Variants in ZFYVE19 observed in about 807,000 individuals in gnomAD.
ZFYVE19 encodes abscission/NoCut checkpoint regulator.
A neutral mutation model predicts 62.8 loss-of-function variants in ZFYVE19; 49 were observed. The ratio of observed to expected loss-of-function variants is 0.78; its 90% CI spans 0.62 to 0.99. The LOEUF is 0.99. ZFYVE19 is among the 50% of genes least tolerant of loss of function. The pLI, the probability that ZFYVE19 is intolerant of heterozygous loss-of-function variation, is 0.00. For missense variants in ZFYVE19, 630 were observed against 601.9 expected (o/e 1.05, Z -0.49); for synonymous variants, 242 against 234.3 (o/e 1.03, Z -0.30).
Position 40,808,278 on chromosome 15 carries a change from A to T in ZFYVE19, c.279+410A>T, listed in dbSNP as rs138231282. The T allele has an allele frequency of 2.1e-5, 34 of 1,597,322 alleles. No homozygotes were observed. In the African/African-American group the frequency reaches 3.9e-4, roughly 18 times the overall value. ...AGCCTGCCCTTCTCCAGGTCGCTGG[A>T]GTTAGATTACCACACTTCCTCCTGC... On this transcript the variant is annotated intron_variant, in intron 1 of 10. Transcript: ENST00000355341.
Position 40,807,754 on chromosome 15 carries a change from G to C in ZFYVE19, c.165G>C (p.Arg55Ser). 1 of 1,590,742 alleles carries C rather than the reference G, an allele frequency of 6.3e-7. No individual in the cohort carries two copies. Among genetic ancestry groups the C allele is most frequent in the Non-Finnish European group, 8.5e-7 (1 of 1,172,030 alleles). The change falls in exon 1 of 11, where the codon AGG (arginine) becomes AGC (serine). Residue 55 changes from arginine (R) to serine (S), a missense_variant. Arg to Ser is a moderately radical substitution (Grantham distance 110, BLOSUM62 -1). Coordinates refer to ENST00000355341, the MANE Select transcript of ZFYVE19 (RefSeq NM_001077268.2). ...REGRSWGEGP[R>S]GPGLGRRDLS... ...GGCGGAGCTGGGGTGAGGGTCCAAG[G>C]GGCCCAGGACTTGGCCGGCGTGATC...
At chr15:40,810,902 C>A in intron 6 of ZFYVE19, 145 bp downstream of exon 6, 1 of 1,066,466 alleles carries the variant, frequency 9.4e-7, no homozygotes, top group Non-Finnish European at 1.3e-6. Flanking sequence ...GTGCTTACTC[C>A]AAAGGGAGCC....
At chr15:40,807,954 C>T in intron 1 of ZFYVE19, 86 bp downstream of exon 1, 3 of 1,475,616 alleles carry the variant, frequency 2.0e-6, no homozygotes, top group Non-Finnish European at 2.8e-6. Context: ...CTTGGTCTTA[C>T]GGCTCCTTTC....
rs772159816 is a variant in ZFYVE19 at position 40,810,211 on chromosome 15, C to A, written c.712C>A (p.Gln238Lys). 3.1e-6 allele frequency: 5 copies of A among 1,614,184 alleles called. No homozygotes were observed. Among genetic ancestry groups the A allele is most frequent in the East Asian group, 4.5e-5 (2 of 44,894 alleles). The stretch of plus-strand genomic sequence containing the variant: ...CAGAGTTCTACCTTCTCAAACCCCC[C>A]AGCCGGTGAGTGTTATGGCTTAGGA... ...QGRVLPSQTP[Q>K]PAHHTPDTRT... Residue 238 changes from glutamine to lysine, a missense_variant, in exon 5 of 11, where the codon CAG becomes AAG. Gln to Lys is a moderately conservative substitution (Grantham distance 53, BLOSUM62 1). Coordinates refer to ENST00000355341, the MANE Select transcript of ZFYVE19 (RefSeq NM_001077268.2).
At chr15:40,812,928 C>T in intron 7 of ZFYVE19, 26 bp downstream of exon 7, 2 of 1,604,658 alleles carry the variant, frequency 1.2e-6, no homozygotes, top group Non-Finnish European at 1.7e-6. Flanking sequence ...CAGCTGCTCA[C>T]TGGTATCCCT....
In ZFYVE19 at chr15:40,814,342, C is replaced by G; in HGVS notation, c.*116C>G. 8.6e-7 allele frequency: 1 copy of G among 1,166,288 alleles called. No homozygotes were observed. The highest frequency in any genetic ancestry group is 1.3e-5 in the South Asian group (1 of 74,162). 72.2% of individuals were successfully genotyped at this position (1,166,288 alleles called of 1,614,324 possible). A position where few individuals can be genotyped will look rare whatever the true frequency, so the allele number is the denominator to read the frequency against. ...CTGGCTCTACTGATGATGGATAGGC[C>G]CCTTCCTGAGCCTTGGTGTCCCTGG... On this transcript the variant is annotated 3_prime_UTR_variant, in exon 11 of 11. Transcript: ENST00000355341.
In ZFYVE19 at chr15:40,814,627, C is replaced by A; in HGVS notation, c.*401C>A. ...TGGGCCCTGTGAGAGGTGGCAGGAA[C>A]AGAGCAGGCTGTAAGCACAGTTGTG... On this transcript the variant is annotated 3_prime_UTR_variant, in exon 11 of 11. Transcript: ENST00000355341. 1 of 263,194 alleles carries A rather than the reference C, an allele frequency of 3.8e-6. No homozygotes were observed. The highest frequency in any genetic ancestry group is 7.5e-6 in the Non-Finnish European group (1 of 133,078). The allele number at this position is 263,194 out of a possible 1,614,324, so 16.3% of individuals were successfully genotyped here.
rs1270287433 is a variant in ZFYVE19, at chr15:40,810,089, C to T, written c.590C>T (p.Ala197Val). 1.9e-6 allele frequency: 3 copies of T among 1,614,200 alleles called. No individual in the cohort carries two copies. The highest frequency in any genetic ancestry group is 2.5e-6 in the Non-Finnish European group (3 of 1,180,046). ...ATTGCAGAGTTAGTCCCCTCACAGGCAGAGATAGAGGCACGGCTGGCTGCC... is the reference window on the plus strand; with the variant it reads ...ATTGCAGAGTTAGTCCCCTCACAGGTAGAGATAGAGGCACGGCTGGCTGCC... ...ENKPKLVPSQAEIEARLAALK... is the reference protein window; with the variant it reads ...ENKPKLVPSQVEIEARLAALK... The change falls in exon 5 of 11, where the codon GCA becomes GTA. Residue 197 changes from alanine to valine, a missense_variant. Ala to Val is a moderately conservative substitution (Grantham distance 64). Coordinates refer to ENST00000355341, the MANE Select transcript of ZFYVE19 (RefSeq NM_001077268.2).
rs764248761 is a variant in ZFYVE19, at chr15:40,807,490, A to G, written c.-100A>G. The G allele has an allele frequency of 1.2e-5, 19 of 1,612,446 alleles. No individual in the cohort carries two copies. The African/African-American group carries it at 1.9e-4, about 16-fold the overall frequency. On this transcript the variant is annotated 5_prime_UTR_variant, in exon 1 of 11. Coordinates refer to ENST00000355341, the MANE Select transcript of ZFYVE19 (RefSeq NM_001077268.2). ...TCGTACTACAACTCCCAAGAGTCTA[A>G]GCGCGCGTGAGGACTGCAGGCTCCG... is the stretch of plus-strand genomic sequence containing the variant.
intron 1 of ZFYVE19, chr15:40,808,080 G>C: frequency 2.2e-6 from 2 of 907,012 alleles, no homozygotes; most frequent in South Asian, 3.4e-5. Flanking sequence ...CTTTAGGTGA[G>C]AGTTCCCTAT....
intron 1 of ZFYVE19, chr15:40,808,129 C>CTATTTAATTTTTTTTTTTTT: frequency 6.8e-7 from 1 of 1,468,694 alleles, no homozygotes; most frequent in Non-Finnish European, 9.3e-7. Flanking sequence ...TGCAAAGCTA[C>CTATTTAATTTTTTTTTTTTT]TCTTTTCTGT....
rs778312898 is a variant in ZFYVE19, at chr15:40,809,122, G to A, written c.283G>A (p.Gly95Ser). Residue 95 changes from glycine (G) to serine (S), a missense_variant, in exon 2 of 11, where the codon GGC becomes AGC. Gly to Ser is a moderately conservative substitution (Grantham distance 56, BLOSUM62 0). Coordinates refer to ENST00000355341, the MANE Select transcript of ZFYVE19 (RefSeq NM_001077268.2). ...TCCCGCTTCATGTTTCTTGTAGTAC[G>A]GCTGTAAGAATTGTGGCAGGGCCTT... Reference protein sequence around the residue: ...VKFTLFKKEYGCKNCGRAFCS... With the variant: ...VKFTLFKKEYSCKNCGRAFCS... The A allele has an allele frequency of 1.1e-5, 18 of 1,613,794 alleles. No homozygotes were observed. The highest frequency in any genetic ancestry group is 9.3e-5 in the African/African-American group (7 of 74,926).
rs1890438687 is a variant in ZFYVE19 at position 40,810,204 on chromosome 15, A to G, written c.705A>G (p.Gln235=). The change falls in exon 5 of 11, where the codon CAA becomes CAG. Residue 235 remains glutamine, a synonymous_variant. Transcript: ENST00000355341. The stretch of plus-strand genomic sequence containing the variant: ...TGCAGGGCAGAGTTCTACCTTCTCA[A>G]ACCCCCCAGCCGGTGAGTGTTATGG... ...AALQGRVLPS[Q]TPQPAHHTPD... is the part of the protein sequence containing the mutation. The G allele has an allele frequency of 2.5e-6, 4 of 1,613,998 alleles. No individual in the cohort carries two copies. The highest frequency in any genetic ancestry group is 2.7e-5 in the African/African-American group (2 of 74,888).
At chr15:40,808,319 G>A in intron 1 of ZFYVE19, 10 of 1,597,958 alleles carry the variant, frequency 6.3e-6, no homozygotes, top group South Asian at 1.1e-5. Flanking sequence ...GGGCACCATG[G>A]TGAAGGCTGA....
chr15:40,810,952 A>G (rs1355719497), intron 6 of ZFYVE19, 195 bp downstream of exon 6: 2 of 624,286 alleles, frequency 3.2e-6, no homozygotes, highest in Non-Finnish European at 5.3e-6. Context: ...CTTTAGAATC[A>G]GACAGTGATT....
intron 1 of ZFYVE19, 114 bp from the exon 2 acceptor site, chr15:40,809,005 C>T (rs1242896821): frequency 1.3e-6 from 2 of 1,505,148 alleles, no homozygotes; most frequent in East Asian, 2.3e-5. Flanking sequence ...TCTTCTTCCT[C>T]CCAGCAGCTG....
chr15:40,812,729 G>T lies in ZFYVE19; in HGVS notation c.857G>T (p.Gly286Val). The T allele has an allele frequency of 6.2e-7, 1 of 1,609,910 alleles. No individual in the cohort carries two copies. Among genetic ancestry groups the T allele is most frequent in the Non-Finnish European group, 8.5e-7 (1 of 1,179,992 alleles). Residue 286 changes from glycine to valine, a missense_variant, in exon 7 of 11, where the codon GGT (glycine) becomes GTT (valine). By Grantham distance (109) the Gly-to-Val change is moderately radical. Coordinates refer to ENST00000355341, the MANE Select transcript of ZFYVE19 (RefSeq NM_001077268.2). ...AASLQNDLNQ[G>V]GPGSTNSKRQ... Reference sequence around the variant, plus strand: ...TCTCTCCAGAATGATCTCAACCAGGGTGGCCCAGGGAGCACTAATTCCAAG... The same window carrying T: ...TCTCTCCAGAATGATCTCAACCAGGTTGGCCCAGGGAGCACTAATTCCAAG...
chr15:40,807,280 GGA>G lies in ZFYVE19; in HGVS notation c.-306_-305del. The G allele has an allele frequency of 1.2e-6, 2 of 1,609,674 alleles. No individual in the cohort carries two copies. On this transcript the variant is annotated 5_prime_UTR_variant, in exon 1 of 11. An upstream open reading frame in the 5' UTR loses its in-frame stop. Coordinates refer to ENST00000355341, the MANE Select transcript of ZFYVE19 (RefSeq NM_001077268.2). ...CCCCGCCCAGGACCCGAATGAACCTGGAGAGCGGATGCCAGCAGTGGCCGAGG... is the reference window on the plus strand; with the variant it reads ...CCCCGCCCAGGACCCGAATGAACCTGGAGCGGATGCCAGCAGTGGCCGAGG...
Position 40,807,192 on chromosome 15 carries a change from C to A in ZFYVE19, c.-398C>A. 1 of 1,472,010 alleles carries A rather than the reference C, an allele frequency of 6.8e-7. No homozygotes were observed. The highest frequency in any genetic ancestry group is 1.3e-5 in the South Asian group (1 of 75,412). 91.2% of individuals were successfully genotyped at this position (1,472,010 alleles called of 1,614,324 possible). On this transcript the variant is annotated 5_prime_UTR_variant, in exon 1 of 11. Coordinates refer to ENST00000355341, the MANE Select transcript of ZFYVE19 (RefSeq NM_001077268.2). ...TCTGTACCCCGCTTCCTCTTGAGGCCCTCGGACCGTCCAGGAAATGTCTGG... is the reference window on the plus strand; with the variant it reads ...TCTGTACCCCGCTTCCTCTTGAGGCACTCGGACCGTCCAGGAAATGTCTGG...
Sources: allele counts gnomAD v4.1 joint callset, GRCh38; gene constraint gnomAD v4.1.1; transcripts MANE v1.5; gene names NCBI Gene and HGNC (gene_info 2026-07-23, HGNC 2026-07-21).